The following MYO3B variants were observed in gnomAD, a reference collection of about 807,000 sequenced individuals.
The protein encoded by MYO3B is myosin IIIB.
In MYO3B, 156 loss-of-function variants were observed where a neutral mutation model predicts 174.6. The observed-to-expected ratio is 0.89, with a 90% confidence interval of 0.78 to 1.02. The LOEUF (loss-of-function observed/expected upper bound fraction) is 1.02, where lower values mean the gene tolerates loss of function less well. Ranked by LOEUF, MYO3B falls within the 50% of genes least tolerant of loss-of-function variation. MYO3B has a pLI of 0.00. For missense variants in MYO3B, 1,632 were observed against 1,639.4 expected (o/e 1.00, Z 0.08); for synonymous variants, 563 against 569.1 (o/e 0.99, Z 0.15).
chr2:170,564,087 C>T (rs1258893284), intron 32 of MYO3B, among the ~76,000 whole-genome samples: 1 of 152,178 alleles, frequency 6.6e-6, no homozygotes, highest in African/African-American at 2.4e-5. Flanking sequence ...ATTTTCAAAT[C>T]ATGTGAATGA....
intron 6 of MYO3B, among the ~76,000 whole-genome samples, chr2:170,224,460 C>T (rs1553564718): frequency 2.0e-5 from 3 of 152,056 alleles, no homozygotes; most frequent in Non-Finnish European, 2.9e-5. Flanking sequence ...AAAATGTGTA[C>T]CAGCTAACTG....
intron 32 of MYO3B, among the ~76,000 whole-genome samples, chr2:170,633,701 G>A (rs1434622068): frequency 6.6e-6 from 1 of 151,696 alleles, no homozygotes; most frequent in African/African-American, 2.4e-5. Flanking sequence ...GCAGATGATT[G>A]TATATTTAGA....
In MYO3B at chr2:170,371,056, A is replaced by T. The variant is rs565171320; in HGVS notation, c.971+1679A>T. Among the ~76,000 whole-genome samples the T allele has an allele frequency of 2.0e-5, 3 of 151,912 alleles. No homozygotes were observed. The South Asian group carries it at 6.3e-4, about 32-fold the overall frequency. On this transcript the variant is annotated intron_variant, in intron 9 of 34. Transcript: ENST00000408978. ...ACATGGTGACACCCTGTCTCTACTA[A>T]AAATACAGAAAATTAGCTGGGCATA...
chr2:170,265,416 A>T (rs1449457065), intron 7 of MYO3B, among the ~76,000 whole-genome samples: 1 of 152,264 alleles, frequency 6.6e-6, no homozygotes, highest in African/African-American at 2.4e-5. Context: ...TTTGAGAGTA[A>T]TTATAGCATG....
rs568124712 is a variant in MYO3B at position 170,617,482 on chromosome 2, A to G, written c.3734-34146A>G. Among the ~76,000 whole-genome samples the G allele has an allele frequency of 1.1e-4, 16 of 152,352 alleles. No homozygotes were observed. The South Asian group carries it at 3.1e-3, about 30-fold the overall frequency. ...GTTTAACACAACTTTTAAGTGGTAT[A>G]GTTTTGTTGGACTCCATATAGAGAG... On this transcript the variant is annotated intron_variant, in intron 32 of 34. Transcript: ENST00000408978.
intron 2 of MYO3B, among the ~76,000 whole-genome samples, chr2:170,199,721 C>T (rs138506154): frequency 3.5e-4 from 53 of 152,288 alleles, no homozygotes; most frequent in African/African-American, 1.1e-3. Flanking sequence ...AATCATCTTA[C>T]GCTGACATCT....
chr2:170,205,145 G>T (rs1442460252), intron 3 of MYO3B, among the ~76,000 whole-genome samples: 1 of 152,132 alleles, frequency 6.6e-6, no homozygotes, highest in Non-Finnish European at 1.5e-5. Context: ...CACTGGCTGG[G>T]TAAGATTCCT....
At chr2:170,187,843 A>T (rs1471968743) in intron 1 of MYO3B, among the ~76,000 whole-genome samples, 1 of 152,158 alleles carries the variant, frequency 6.6e-6, no homozygotes, top group African/African-American at 2.4e-5. Context: ...TACTTGATAT[A>T]ATTTCAATTC....
chr2:170,528,283 T>G (rs1179370968), intron 30 of MYO3B, among the ~76,000 whole-genome samples: 1 of 152,258 alleles, frequency 6.6e-6, no homozygotes, highest in Non-Finnish European at 1.5e-5. Flanking sequence ...ATATCTCAAA[T>G]TGAGGGTCAG....
intron 32 of MYO3B, among the ~76,000 whole-genome samples, chr2:170,600,695 C>T (rs1694452781): frequency 6.6e-6 from 1 of 152,156 alleles, no homozygotes; most frequent in Admixed American, 6.5e-5. Context: ...ATTTGGCAGT[C>T]TTATATTCTA....
At chr2:170,322,408 G>T (rs954246961) in intron 7 of MYO3B, among the ~76,000 whole-genome samples, 1 of 152,136 alleles carries the variant, frequency 6.6e-6, no homozygotes, top group African/African-American at 2.4e-5. Context: ...AAACTGCCAG[G>T]ACCCGCAGCA....
chr2:170,469,718 C>A (rs1338551876), intron 25 of MYO3B, among the ~76,000 whole-genome samples: 1 of 152,200 alleles, frequency 6.6e-6, no homozygotes, highest in Non-Finnish European at 1.5e-5. Context: ...AATCTCTCAT[C>A]CCTTCTCCCA....
At chr2:170,605,431 G>C (rs564050297) in intron 32 of MYO3B, among the ~76,000 whole-genome samples, 3 of 152,310 alleles carry the variant, frequency 2.0e-5, no homozygotes, top group South Asian at 2.1e-4. Context: ...GACACACACA[G>C]AGCTTCCTAC....
intron 32 of MYO3B, among the ~76,000 whole-genome samples, chr2:170,582,349 A>T (rs1020494588): frequency 6.6e-6 from 1 of 152,176 alleles, no homozygotes; most frequent in Admixed American, 6.5e-5. Flanking sequence ...TTCGTGGCAA[A>T]TGTGCGTGGG....
At chr2:170,396,308 A>G (rs2094441867) in intron 16 of MYO3B, among the ~76,000 whole-genome samples, 1 of 152,238 alleles carries the variant, frequency 6.6e-6, no homozygotes, top group African/African-American at 2.4e-5. Context: ...GGGAGACAAT[A>G]AGAAAAATTT....
intron 9 of MYO3B, among the ~76,000 whole-genome samples, chr2:170,372,118 CAAAAA>C (rs769243145): frequency 2.7e-4 from 6 of 22,216 alleles, no homozygotes; most frequent in East Asian, 2.7e-3. Flanking sequence ...GACCCTGTCT[CAAAAA>C]AAAAAAAAAA....
At chr2:170,554,472 A>C (rs1691147205) in intron 32 of MYO3B, among the ~76,000 whole-genome samples, 1 of 152,218 alleles carries the variant, frequency 6.6e-6, no homozygotes, top group Non-Finnish European at 1.5e-5. Flanking sequence ...TGGAGGGGAA[A>C]GTGGCCACAG....
rs570554407 is a variant in MYO3B, at chr2:170,301,451, A to G, written c.750-33934A>G. 2.0e-5 allele frequency among the ~76,000 whole-genome samples: 3 copies of G among 152,288 alleles called. No homozygotes were observed. The South Asian group carries it at 6.2e-4, about 32-fold the overall frequency. ...AATAGTTTTAGATCACTCTATTTTT[A>G]TACATTTCTGGGCACAAAACATGAT... On this transcript the variant is annotated intron_variant, in intron 7 of 34. Transcript: ENST00000408978.
intron 3 of MYO3B, 132 bp from the exon 4 acceptor site, chr2:170,214,247 C>G: frequency 1.6e-6 from 1 of 633,184 alleles, no homozygotes. Context: ...TCTGAGTATT[C>G]CAAGCTGGAG....
Sources: gnomAD v4.1 joint callset for allele counts (sites outside exome capture counted in the v4.1 genomes callset) on GRCh38, gnomAD v4.1.1 for gene constraint, MANE v1.5 for transcripts, NCBI Gene and HGNC (gene_info 2026-07-23, HGNC 2026-07-21) for gene names.